BRCC3: variants seen among roughly 807,000 people sequenced by gnomAD.
BRCC3 encodes the protein lys-63-specific deubiquitinase BRCC36.
A neutral mutation model predicts 28.0 loss-of-function variants in BRCC3; 15 were observed. That is an observed-to-expected ratio of 0.54 (90% CI 0.36 to 0.82). The LOEUF is 0.82. Ranked by LOEUF, BRCC3 falls within the 40% of genes least tolerant of loss-of-function variation. The pLI is 0.01. For synonymous variants in BRCC3, 66 were observed against 80.3 expected (o/e 0.82, Z 0.95); for missense variants, 109 against 225.9 (o/e 0.48, Z 3.32).
chrX:155,116,010 A>C (rs782407796), intron 7 of BRCC3, 47 bp from the exon 8 acceptor site: 3 of 1,174,223 alleles, frequency 2.6e-6, no homozygotes, highest in Non-Finnish European at 3.5e-6. Context: ...ACTTCTGATT[A>C]TAACAACTCA....
intron 3 of BRCC3, among the ~76,000 whole-genome samples, chrX:155,076,372 G>C (rs1253317164): frequency 2.7e-5 from 3 of 110,333 alleles, no homozygotes; most frequent in African/African-American, 1.0e-4. Context: ...CTGGGCGACA[G>C]ACTGAGACTG....
intron 5 of BRCC3, among the ~76,000 whole-genome samples, chrX:155,085,891 G>A (rs944492361): frequency 9.0e-6 from 1 of 111,582 alleles, no homozygotes; most frequent in Non-Finnish European, 1.9e-5. Context: ...GGACTGCTTT[G>A]CCATGACAGC....
At chrX:155,100,318 T>C (rs1169728455) in intron 7 of BRCC3, among the ~76,000 whole-genome samples, 2 of 112,299 alleles carry the variant, frequency 1.8e-5, no homozygotes, top group Non-Finnish European at 3.8e-5. Context: ...ATCTAATCCA[T>C]AGATAGTATT....
At chrX:155,093,017 C>T (rs1456801581) in intron 7 of BRCC3, among the ~76,000 whole-genome samples, 1 of 110,917 alleles carries the variant, frequency 9.0e-6, no homozygotes, top group Non-Finnish European at 1.9e-5. Context: ...TTTTAAACAT[C>T]CAATGTTACT....
intron 7 of BRCC3, among the ~76,000 whole-genome samples, chrX:155,105,514 A>G (rs1426388408): frequency 2.7e-5 from 3 of 111,977 alleles, no homozygotes; most frequent in Non-Finnish European, 5.6e-5. Flanking sequence ...CATGTCAGCA[A>G]TTTTACATGC....
Position 155,077,302 on chromosome X carries a change from G to C in BRCC3, c.315+13G>C. 8.6e-7 allele frequency: 1 copy of C among 1,167,563 alleles called. No individual in the cohort carries two copies. Among genetic ancestry groups the C allele is most frequent in the South Asian group, 1.8e-5 (1 of 55,668 alleles). ...AACAGAGGCAGAGATATCCTTACTG[G>C]TCAATAGAAGCTTTTATGTGCTCTG... On this transcript the variant is annotated intron_variant, in intron 4 of 10. Transcript: ENST00000330045.
At chrX:155,109,575 G>A (rs1270562016) in intron 7 of BRCC3, among the ~76,000 whole-genome samples, 3 of 111,319 alleles carry the variant, frequency 2.7e-5, no homozygotes, top group Non-Finnish European at 5.7e-5. Flanking sequence ...AGTTGGTACC[G>A]GTTATTTAGA....
intron 7 of BRCC3, among the ~76,000 whole-genome samples, chrX:155,093,005 G>A (rs2074184677): frequency 9.1e-6 from 1 of 110,396 alleles, no homozygotes; most frequent in African/African-American, 3.3e-5. Context: ...TTGTTTCATT[G>A]TTTTTAAACA....
At chrX:155,102,640 G>A (rs371318829) in intron 7 of BRCC3, among the ~76,000 whole-genome samples, 38 of 111,443 alleles carry the variant, frequency 3.4e-4, no homozygotes, top group African/African-American at 1.2e-3. Context: ...TGGTAAGAGC[G>A]GTCATGGTAA....
intron 7 of BRCC3, among the ~76,000 whole-genome samples, chrX:155,100,376 A>G (rs1557296739): frequency 8.9e-6 from 1 of 112,498 alleles, no homozygotes; most frequent in African/African-American, 3.2e-5. Context: ...AACAGAAGAA[A>G]AAACCTTTAG....
intron 1 of BRCC3, 26 bp from the exon 2 acceptor site, chrX:155,072,301 A>G: frequency 8.4e-7 from 1 of 1,185,456 alleles, no homozygotes; most frequent in South Asian, 1.8e-5. Flanking sequence ...GTGATCAATA[A>G]TGTTTTTTGC....
chrX:155,102,394 T>C (rs1179549173), intron 7 of BRCC3, among the ~76,000 whole-genome samples: 2 of 112,415 alleles, frequency 1.8e-5, no homozygotes, highest in Non-Finnish European at 3.8e-5. Flanking sequence ...TCATTGCTAC[T>C]ATATAAAAGT....
intron 3 of BRCC3, among the ~76,000 whole-genome samples, chrX:155,075,650 T>C (rs905291403): frequency 8.9e-6 from 1 of 112,253 alleles, no homozygotes; most frequent in East Asian, 2.8e-4. Context: ...TACCAAATCT[T>C]GTAGATTCAT....
intron 9 of BRCC3, among the ~76,000 whole-genome samples, chrX:155,117,177 G>C (rs149346159): frequency 1.2e-3 from 136 of 112,010 alleles, no homozygotes; most frequent in South Asian, 1.9e-3. Flanking sequence ...GTTGGCTTTT[G>C]TGAGCTGGCA....
At chrX:155,090,694 A>T in intron 6 of BRCC3, 90 bp from the exon 7 acceptor site, 1 of 678,781 alleles carries the variant, frequency 1.5e-6, no homozygotes, top group Non-Finnish European at 2.3e-6. Flanking sequence ...ATCTCTTTTA[A>T]CATTCTGCTT....
intron 3 of BRCC3, among the ~76,000 whole-genome samples, chrX:155,073,933 C>T (rs1012611772): frequency 3.6e-5 from 4 of 111,447 alleles, no homozygotes; most frequent in Non-Finnish European, 5.6e-5. Context: ...ATCGTGGTAT[C>T]GGACCAGTTA....
At chrX:155,077,529 A>T (rs1263117557) in intron 4 of BRCC3, among the ~76,000 whole-genome samples, 2 of 111,811 alleles carry the variant, frequency 1.8e-5, no homozygotes, top group African/African-American at 3.3e-5. Context: ...ACACTGCGAC[A>T]ATGAACTCTG....
intron 8 of BRCC3, among the ~76,000 whole-genome samples, 174 bp from the exon 9 acceptor site, chrX:155,116,537 T>C (rs782444079): frequency 8.9e-6 from 1 of 112,023 alleles, no homozygotes; most frequent in South Asian, 3.7e-4. Flanking sequence ...TTCAAAATTA[T>C]CACTTTGAAT....
chrX:155,073,387 A>C lies in BRCC3; in HGVS notation c.151A>C (p.Lys51Gln), dbSNP rs2074003995. 1 of 1,167,693 alleles carries C rather than the reference A, an allele frequency of 8.6e-7. No individual in the cohort carries two copies. The highest frequency in any genetic ancestry group is 1.1e-6 in the Non-Finnish European group (1 of 872,834). Residue 51 changes from lysine (K) to glutamine (Q), a missense_variant, in exon 3 of 11, where the codon AAA becomes CAA. Physicochemically the swap from Lys to Gln is moderately conservative, Grantham distance 53 (BLOSUM62 1). Coordinates refer to ENST00000330045, the MANE Select transcript of BRCC3 (RefSeq NM_001018055.3). ...ELNDDTRSDS[K>Q]FAYTGTEMRT... ...ATTTATTCCCAGTAGGAGTGACTCC[A>C]AATTTGCATATACTGGAACTGAAAT...
Sources: gnomAD v4.1 joint callset for allele counts (sites outside exome capture counted in the v4.1 genomes callset) on GRCh38, gnomAD v4.1.1 for gene constraint, MANE v1.5 for transcripts, NCBI Gene and HGNC (gene_info 2026-07-23, HGNC 2026-07-21) for gene names.